Variants in P2RY8 observed in about 807,000 individuals in gnomAD.
P2RY8 encodes the protein P2Y receptor family member 8, also known as S-geranylgeranyl-glutathione receptor P2RY8.
P2RY8 carries 6 observed loss-of-function variants against 10.0 expected under a neutral mutation model. The ratio of observed to expected loss-of-function variants is 0.60; its 90% CI spans 0.33 to 1.19. The LOEUF (loss-of-function observed/expected upper bound fraction) is 1.19, where lower values mean the gene tolerates loss of function less well. P2RY8 is among the 50% of genes most tolerant of loss of function. The pLI, the probability that P2RY8 is intolerant of heterozygous loss-of-function variation, is 0.04. For synonymous variants in P2RY8, 276 were observed against 252.5 expected (o/e 1.09, Z -0.88); for missense variants, 456 against 542.0 (o/e 0.84, Z 1.58).
intron 1 of P2RY8, among the ~76,000 whole-genome samples, chrX:1,512,420 A>G (rs1156272529): frequency 7.3e-5 from 11 of 151,610 alleles, no homozygotes; most frequent in South Asian, 2.1e-4. Context: ...GGTGGTGGGT[A>G]CCTGTCATCC....
At chrX:1,522,265 C>A (rs2092398713) in intron 1 of P2RY8, among the ~76,000 whole-genome samples, 1 of 149,888 alleles carries the variant, frequency 6.7e-6, no homozygotes, top group Non-Finnish European at 1.5e-5. Flanking sequence ...CTCTTTTTCT[C>A]GCTTAAAAAA....
At chrX:1,500,858 T>C (rs2092171971) in intron 1 of P2RY8, among the ~76,000 whole-genome samples, 1 of 152,068 alleles carries the variant, frequency 6.6e-6, no homozygotes, top group Non-Finnish European at 1.5e-5. Context: ...TTGGGTGTGC[T>C]AAAACCAGGA....
At chrX:1,522,460 C>A (rs1603458517) in intron 1 of P2RY8, among the ~76,000 whole-genome samples, 1 of 152,158 alleles carries the variant, frequency 6.6e-6, no homozygotes, top group Admixed American at 6.5e-5. Flanking sequence ...TCGGAATCGT[C>A]GTGCACGCAC....
rs1270481808 is a variant in P2RY8, at chrX:1,514,804, CTTCCT to C, written c.-25+22112_-25+22116del. 5.9e-4 allele frequency among the ~76,000 whole-genome samples: 23 copies of C among 39,208 alleles called. 1 individual carries two copies. The highest frequency in any genetic ancestry group is 2.0e-3 in the African/African-American group (22 of 11,164). 25.7% of individuals were successfully genotyped at this position (39,208 alleles called of 152,430 possible). A position where few individuals can be genotyped will look rare whatever the true frequency, so the allele number is the denominator to read the frequency against. On this transcript the variant is annotated intron_variant, in intron 1 of 1. Coordinates refer to ENST00000381297, the MANE Select transcript of P2RY8 (RefSeq NM_178129.5). Reference sequence around the variant, plus strand: ...CCTCCCTTCCTTTTCCTTCCCTTCCCTTCCTTTCCTTTCCTTCCCTTTCCCTTTCC... The same window carrying C: ...CCTCCCTTCCTTTTCCTTCCCTTCCCTTCCTTTCCTTCCCTTTCCCTTTCC...
chrX:1,468,416 C>T (rs1253761216), intron 1 of P2RY8, among the ~76,000 whole-genome samples: 3 of 152,186 alleles, frequency 2.0e-5, no homozygotes, highest in African/African-American at 4.8e-5. Context: ...CATTTCGAGT[C>T]TGTGCCCTGT....
At chrX:1,487,982 C>G (rs189927603) in intron 1 of P2RY8, among the ~76,000 whole-genome samples, 1 of 151,946 alleles carries the variant, frequency 6.6e-6, no homozygotes, top group Non-Finnish European at 1.5e-5. Context: ...TGGTGGTGGG[C>G]GTCTGTAATC....
chrX:1,487,072 C>G lies in P2RY8; in HGVS notation c.-24-20490G>C, dbSNP rs748656700. ...GGGTGTCTGGGGCCGGCTGCGCAAG[C>G]CTTCCCTGTCTGTGGTCACTATGGC... On this transcript the variant is annotated intron_variant, in intron 1 of 1. Coordinates refer to ENST00000381297, the MANE Select transcript of P2RY8 (RefSeq NM_178129.5). Among the ~76,000 whole-genome samples the G allele has an allele frequency of 4.9e-4, 75 of 152,340 alleles. 1 individual carries two copies. In the South Asian group the frequency reaches 0.014, roughly 29 times the overall value.
intron 1 of P2RY8, among the ~76,000 whole-genome samples, chrX:1,511,724 C>T (rs1248657322): frequency 2.0e-5 from 3 of 152,198 alleles, no homozygotes; most frequent in Non-Finnish European, 2.9e-5. Context: ...ATTCTCTTGA[C>T]GGCACTGAGC....
At chrX:1,502,713 A>G (rs1364759793) in intron 1 of P2RY8, among the ~76,000 whole-genome samples, 1 of 152,186 alleles carries the variant, frequency 6.6e-6, no homozygotes, top group Non-Finnish European at 1.5e-5. Context: ...GAGAGAAAAT[A>G]ATCCTGCATT....
At chrX:1,476,860 C>T (rs1272137618) in intron 1 of P2RY8, among the ~76,000 whole-genome samples, 2 of 152,052 alleles carry the variant, frequency 1.3e-5, no homozygotes, top group Admixed American at 1.3e-4. Flanking sequence ...CAAATATCTA[C>T]AGTGCTGAGG....
rs2091650904 is a variant in P2RY8, at chrX:1,465,413, G to A, written c.*66C>T. ...GTTCTCCCTGAACCTCTGGCACCGT[G>A]GCCTCTCCATGCGCCCCTGGATCTC... On this transcript the variant is annotated 3_prime_UTR_variant, in exon 2 of 2. Transcript: ENST00000381297. 6.5e-7 allele frequency: 1 copy of A among 1,529,620 alleles called. No individual in the cohort carries two copies. The highest frequency in any genetic ancestry group is 2.3e-5 in the East Asian group (1 of 44,348). 94.8% of individuals were successfully genotyped at this position (1,529,620 alleles called of 1,614,324 possible). A position where few individuals can be genotyped will look rare whatever the true frequency, so the allele number is the denominator to read the frequency against.
Position 1,465,433 on chromosome X carries a change from G to T in P2RY8, c.*46C>A, listed in dbSNP as rs201183099. On this transcript the variant is annotated 3_prime_UTR_variant, in exon 2 of 2. Coordinates refer to ENST00000381297, the MANE Select transcript of P2RY8 (RefSeq NM_178129.5). ...ACCGTGGCCTCTCCATGCGCCCCTGGATCTCCAAGCTGCGCCCCCGGCTCT... is the reference window on the plus strand; with the variant it reads ...ACCGTGGCCTCTCCATGCGCCCCTGTATCTCCAAGCTGCGCCCCCGGCTCT... 261 of 1,553,358 alleles carry T rather than the reference G, an allele frequency of 1.7e-4. No homozygotes were observed. Among genetic ancestry groups the T allele is most frequent in the African/African-American group, 1.6e-3 (114 of 73,224 alleles).
At chrX:1,535,618 G>A (rs1239712548) in intron 1 of P2RY8, among the ~76,000 whole-genome samples, 2 of 151,626 alleles carry the variant, frequency 1.3e-5, no homozygotes, top group Non-Finnish European at 1.5e-5. Context: ...GCTCCTCAGC[G>A]GTTTTCACTT....
At chrX:1,531,226 G>A (rs2092473225) in intron 1 of P2RY8, among the ~76,000 whole-genome samples, 1 of 152,012 alleles carries the variant, frequency 6.6e-6, no homozygotes, top group Non-Finnish European at 1.5e-5. Flanking sequence ...GCACCTTGTG[G>A]CTGGAGCCCA....
At chrX:1,504,979 C>CA (rs1359707574) in intron 1 of P2RY8, among the ~76,000 whole-genome samples, 1 of 151,754 alleles carries the variant, frequency 6.6e-6, no homozygotes, top group African/African-American at 2.4e-5. Flanking sequence ...AAAAAAAATA[C>CA]AAAAATAAAT....
At chrX:1,522,591 A>T (rs1464908247) in intron 1 of P2RY8, among the ~76,000 whole-genome samples, 1 of 152,160 alleles carries the variant, frequency 6.6e-6, no homozygotes, top group Non-Finnish European at 1.5e-5. Flanking sequence ...CAGGAGTTCA[A>T]GATGAGCCTA....
chrX:1,529,396 T>C (rs1232378245), intron 1 of P2RY8, among the ~76,000 whole-genome samples: 2 of 152,100 alleles, frequency 1.3e-5, no homozygotes, highest in African/African-American at 4.8e-5. Flanking sequence ...GATCATCTTG[T>C]CTTATCTTGC....
intron 1 of P2RY8, among the ~76,000 whole-genome samples, chrX:1,522,143 G>A (rs1247638586): frequency 2.1e-5 from 3 of 145,716 alleles, no homozygotes; most frequent in Admixed American, 6.7e-5. Flanking sequence ...TAGTAGAGAC[G>A]GGGGTTTCAC....
intron 1 of P2RY8, among the ~76,000 whole-genome samples, chrX:1,509,018 C>CTGTCTATCCTGTATGTGTT (rs2092264226): frequency 6.7e-6 from 1 of 150,304 alleles, no homozygotes. Context: ...ATCCATCCAT[C>CTGTCTATCCTGTATGTGTT]CATCCATCCA....
Sources: gnomAD v4.1 joint callset for allele counts (sites outside exome capture counted in the v4.1 genomes callset) on GRCh38, gnomAD v4.1.1 for gene constraint, MANE v1.5 for transcripts, NCBI Gene and HGNC (gene_info 2026-07-23, HGNC 2026-07-21) for gene names.